ZBTB8OS: variants seen among roughly 807,000 people sequenced by gnomAD.
ZBTB8OS encodes tRNA splicing ligase complex subunit 1.
In ZBTB8OS, 16 loss-of-function variants were observed where a neutral mutation model predicts 29.3. That is an observed-to-expected ratio of 0.55 (90% CI 0.37 to 0.83). The LOEUF is 0.83. Among genes scored for constraint, ZBTB8OS ranks in the 40% least tolerant of loss-of-function variants. The pLI is 0.00. For missense variants in ZBTB8OS, 160 were observed against 196.9 expected (o/e 0.81, Z 1.12); for synonymous variants, 70 against 64.6 (o/e 1.08, Z -0.40).
chr1:32,644,214 C>G (rs1305340141), intron 1 of ZBTB8OS, among the ~76,000 whole-genome samples: 1 of 152,134 alleles, frequency 6.6e-6, no homozygotes, highest in Non-Finnish European at 1.5e-5. Context: ...ATCAATCGGA[C>G]GAATTCCTGG....
At chr1:32,636,764 G>A (rs563812166) in intron 1 of ZBTB8OS, among the ~76,000 whole-genome samples, 5 of 151,506 alleles carry the variant, frequency 3.3e-5, no homozygotes, top group Admixed American at 6.6e-5. Flanking sequence ...TCTGTCCGTC[G>A]TAGAAATGCC....
intron 1 of ZBTB8OS, among the ~76,000 whole-genome samples, chr1:32,637,033 G>A (rs1043806112): frequency 2.0e-5 from 3 of 151,994 alleles, no homozygotes; most frequent in South Asian, 2.1e-4. Flanking sequence ...ACTGTCAGCT[G>A]TCAGACACAG....
At chr1:32,625,892 T>TG (rs1645094620) in intron 6 of ZBTB8OS, among the ~76,000 whole-genome samples, 3 of 151,606 alleles carry the variant, frequency 2.0e-5, no homozygotes, top group South Asian at 4.2e-4. Flanking sequence ...TTTTTTTAGA[T>TG]GGAGTTTTGC....
intron 5 of ZBTB8OS, among the ~76,000 whole-genome samples, chr1:32,628,289 G>A (rs189556964): frequency 4.0e-4 from 61 of 150,952 alleles, no homozygotes; most frequent in East Asian, 3.9e-3. Context: ...CCCAGGAGGT[G>A]GAGGTTGCAG....
chr1:32,648,705 C>A, intron 1 of ZBTB8OS, among the ~76,000 whole-genome samples: 1 of 152,290 alleles, frequency 6.6e-6, no homozygotes, highest in Admixed American at 6.5e-5. Context: ...GTCGCCCAGG[C>A]TGGAGTGCAG....
At chr1:32,626,052 T>C (rs887490347) in intron 6 of ZBTB8OS, among the ~76,000 whole-genome samples, 1 of 152,074 alleles carries the variant, frequency 6.6e-6, no homozygotes, top group Non-Finnish European at 1.5e-5. Context: ...TTTGTATTTT[T>C]AGTAGAGATG....
intron 6 of ZBTB8OS, among the ~76,000 whole-genome samples, chr1:32,625,627 C>T (rs762781428): frequency 6.6e-6 from 1 of 152,148 alleles, no homozygotes; most frequent in African/African-American, 2.4e-5. Flanking sequence ...AGCTCAGCTA[C>T]TCAGGAGACT....
intron 4 of ZBTB8OS, 113 bp from the exon 5 acceptor site, chr1:32,631,992 CTTTTTTTTTTTTTTTT>C (rs71006345): frequency 1.5e-5 from 2 of 135,754 alleles, no homozygotes; most frequent in African/African-American, 4.9e-5. Flanking sequence ...TTGGTAAAAC[CTTTTTTTTTTTTTTTT>C]TTTTTTTTTT....
chr1:32,628,357 TC>T (rs1216845362), intron 5 of ZBTB8OS, among the ~76,000 whole-genome samples: 1 of 112,550 alleles, frequency 8.9e-6, no homozygotes, highest in East Asian at 2.7e-4. Flanking sequence ...ATGAAAAAGG[TC>T]AGGCGCGGTG....
chr1:32,648,910 C>A lies in ZBTB8OS; in HGVS notation c.97+1523G>T, dbSNP rs374938726. On this transcript the variant is annotated intron_variant, in intron 1 of 6. Transcript: ENST00000468695. Reference sequence around the variant, plus strand: ...AGCTCCTGACCTCAGGTGATCCACCCGCCTCAACCTCCCAAAGTGCTGGGA... The same window carrying A: ...AGCTCCTGACCTCAGGTGATCCACCAGCCTCAACCTCCCAAAGTGCTGGGA... Among the ~76,000 whole-genome samples, 250 of 150,786 alleles carry A rather than the reference C, an allele frequency of 1.7e-3. 1 individual carries two copies. Among genetic ancestry groups the A allele is most frequent in the African/African-American group, 5.5e-3 (225 of 40,978 alleles).
intron 2 of ZBTB8OS, chr1:32,634,534 ATTTTTT>A: frequency 1.8e-6 from 1 of 564,150 alleles, no homozygotes. Context: ...CCTTATTTTT[ATTTTTT>A]ATTTTTTGAG....
intron 6 of ZBTB8OS, among the ~76,000 whole-genome samples, chr1:32,626,013 C>T (rs951725524): frequency 2.0e-5 from 3 of 151,922 alleles, no homozygotes; most frequent in Non-Finnish European, 4.4e-5. Flanking sequence ...GCTGGGATTA[C>T]AAGCGCCCGC....
chr1:32,646,095 A>T (rs1309343526), intron 1 of ZBTB8OS, among the ~76,000 whole-genome samples: 1 of 152,104 alleles, frequency 6.6e-6, no homozygotes. Flanking sequence ...CAAGGCAGAC[A>T]GATCATCTGA....
intron 6 of ZBTB8OS, among the ~76,000 whole-genome samples, chr1:32,625,595 G>C (rs911547980): frequency 3.9e-5 from 6 of 152,038 alleles, no homozygotes; most frequent in Non-Finnish European, 7.3e-5. Context: ...TACCAAGCTG[G>C]AATTGGTGGT....
chr1:32,644,307 G>GC (rs1646666519), intron 1 of ZBTB8OS, among the ~76,000 whole-genome samples: 1 of 152,024 alleles, frequency 6.6e-6, no homozygotes, highest in Non-Finnish European at 1.5e-5. Flanking sequence ...CACAAGTTAA[G>GC]TCCTTGAGGA....
chr1:32,634,767 C>T lies in ZBTB8OS; in HGVS notation c.122+1G>A. 1 of 1,613,914 alleles carries T rather than the reference C, an allele frequency of 6.2e-7. No individual in the cohort carries two copies. The highest frequency in any genetic ancestry group is 8.5e-7 in the Non-Finnish European group (1 of 1,179,818). On this transcript the variant is annotated splice_donor_variant, in intron 2 of 6. Transcript: ENST00000468695. LOFTEE classifies it high-confidence loss of function. ...AAGGAATGAACTCCCGCTATACTCA[C>T]TGGACATCTGCTGTATGATCCAAAT... is the stretch of plus-strand genomic sequence containing the variant.
intron 1 of ZBTB8OS, among the ~76,000 whole-genome samples, chr1:32,645,443 A>C (rs975956244): frequency 1.3e-5 from 2 of 152,198 alleles, no homozygotes; most frequent in Non-Finnish European, 2.9e-5. Flanking sequence ...TCAAGCTTGC[A>C]GTGAGCCATG....
intron 1 of ZBTB8OS, among the ~76,000 whole-genome samples, chr1:32,645,921 G>C (rs755299144): frequency 3.9e-5 from 6 of 152,172 alleles, no homozygotes; most frequent in Non-Finnish European, 7.3e-5. Context: ...GGAATACAGA[G>C]ATTACATTTT....
chr1:32,631,831 T>C lies in ZBTB8OS; in HGVS notation c.376A>G (p.Ile126Val), dbSNP rs1235404246. The change falls in exon 5 of 7, where the codon ATT becomes GTT. Residue 126 changes from isoleucine (I) to valine (V), a missense_variant. Physicochemically the swap from Ile to Val is conservative, Grantham distance 29. Transcript: ENST00000468695. ...IDQRNFKLRS[I>V]GWGEEFSLSK... Reference sequence around the variant, plus strand: ...TAAAAGACTTTCAAAACTTACCCAATTGATCGTAATTTGAAATTTCTTTGA... The same window carrying C: ...TAAAAGACTTTCAAAACTTACCCAACTGATCGTAATTTGAAATTTCTTTGA... 3.8e-6 allele frequency: 6 copies of C among 1,595,106 alleles called. 1 individual carries two copies. The South Asian group carries it at 4.6e-5, about 12-fold the overall frequency.
Sources: allele counts gnomAD v4.1 joint callset (sites outside exome capture counted in the v4.1 genomes callset), GRCh38; gene constraint gnomAD v4.1.1; transcripts MANE v1.5; gene names NCBI Gene and HGNC (gene_info 2026-07-23, HGNC 2026-07-21).